Variants in TNIP3 observed in about 807,000 individuals in gnomAD.
TNIP3 encodes TNFAIP3 interacting protein 3.
TNIP3 carries 34 observed loss-of-function variants against 54.1 expected under a neutral mutation model. The observed-to-expected ratio is 0.63, with a 90% CI of 0.48 to 0.84. The LOEUF is 0.84. TNIP3 is among the 40% of genes least tolerant of loss of function. The pLI, the probability that TNIP3 is intolerant of heterozygous loss-of-function variation, is 0.00. For synonymous variants in TNIP3, 134 were observed against 136.8 expected, an observed-to-expected ratio of 0.98 and a Z score of 0.14; for missense variants, 366 against 387.6, an observed-to-expected ratio of 0.94 and a Z score of 0.47.
At chr4:121,203,645 G>A (rs779472523) in intron 2 of TNIP3, among the ~76,000 whole-genome samples, 79 of 151,988 alleles carry the variant, frequency 5.2e-4, no homozygotes, top group Non-Finnish European at 1.0e-3. Context: ...TAGGTCATCT[G>A]ATATAATACA....
chr4:121,147,206 C>G (rs778349266), intron 6 of TNIP3, 32 bp from the exon 7 acceptor site: 1 of 1,590,222 alleles, frequency 6.3e-7, no homozygotes, highest in Non-Finnish European at 8.5e-7. Context: ...TTACTGTAAG[C>G]TTCCTTTTCA....
chr4:121,227,420 T>C (rs1326608092), exon 1 of TNIP3: 3 of 1,532,682 alleles, frequency 2.0e-6, no homozygotes, highest in East Asian at 2.5e-5. Context: ...CAGATCTAGG[T>C]AAGCGTATTA....
At chr4:121,157,466 C>T (rs1330235774) in intron 3 of TNIP3, among the ~76,000 whole-genome samples, 1 of 152,098 alleles carries the variant, frequency 6.6e-6, no homozygotes, top group Non-Finnish European at 1.5e-5. Context: ...AACCACCCAG[C>T]TCTTCCTTCT....
intron 2 of TNIP3, among the ~76,000 whole-genome samples, chr4:121,199,704 T>C (rs1322171569): frequency 6.6e-6 from 1 of 152,238 alleles, no homozygotes; most frequent in Non-Finnish European, 1.5e-5. Context: ...AAGCTGATCA[T>C]GTAAACACAA....
intron 2 of TNIP3, among the ~76,000 whole-genome samples, chr4:121,205,026 G>A (rs72685957): frequency 6.6e-6 from 1 of 151,950 alleles, no homozygotes; most frequent in African/African-American, 2.4e-5. Context: ...TTTCATTATG[G>A]GTGTCTTTTC....
chr4:121,193,461 A>G (rs554981903), intron 2 of TNIP3, among the ~76,000 whole-genome samples: 1 of 152,332 alleles, frequency 6.6e-6, no homozygotes, highest in East Asian at 1.9e-4. Context: ...TAAAATAAAC[A>G]TAAGTGGGGG....
At chr4:121,167,306 C>A (rs866627061), upstream of TNIP3, among the ~76,000 whole-genome samples, 1 of 151,770 alleles carries the variant, frequency 6.6e-6, no homozygotes, top group African/African-American at 2.4e-5. Context: ...AAATGAAGAC[C>A]AGGAAATGAA....
intron 3 of TNIP3, 76 bp from the exon 4 acceptor site, chr4:121,157,319 T>C (rs930325736): frequency 6.2e-6 from 10 of 1,600,370 alleles, no homozygotes; most frequent in Middle Eastern, 1.7e-4. Flanking sequence ...TCCCAGGCTA[T>C]GAACTTTGGC....
chr4:121,187,040 G>T (rs911386323), intron 2 of TNIP3, among the ~76,000 whole-genome samples: 32 of 152,234 alleles, frequency 2.1e-4, no homozygotes, highest in Middle Eastern at 6.8e-3. Context: ...GCTTATCAAA[G>T]TTCATTTTTT....
At chr4:121,172,923 G>A (rs1219071780) in intron 3 of TNIP3, among the ~76,000 whole-genome samples, 1 of 152,168 alleles carries the variant, frequency 6.6e-6, no homozygotes, top group African/African-American at 2.4e-5. Flanking sequence ...TTTGTACTAA[G>A]GAGCTATGTG....
chr4:121,208,810 A>C (rs1365575589), intron 2 of TNIP3, among the ~76,000 whole-genome samples: 1 of 152,218 alleles, frequency 6.6e-6, no homozygotes, highest in African/African-American at 2.4e-5. Context: ...TTGTTATTTT[A>C]ACTATACAGT....
At chr4:121,178,438 T>C (rs920756043) in intron 3 of TNIP3, among the ~76,000 whole-genome samples, 2 of 152,142 alleles carry the variant, frequency 1.3e-5, no homozygotes, top group East Asian at 3.9e-4. Flanking sequence ...TCTCTTCACC[T>C]CAGTCGCAAG....
In TNIP3 at chr4:121,157,143, T is replaced by G. The variant is rs1730158864; in HGVS notation, c.314A>C (p.Glu105Ala). 6.2e-7 allele frequency: 1 copy of G among 1,612,436 alleles called. No homozygotes were observed. Among genetic ancestry groups the G allele is most frequent in the Non-Finnish European group, 8.5e-7 (1 of 1,179,692 alleles). ...GGTCAGGTCGCGCTGCCTGTCGTCC[T>G]CTCTCTGCCTGTCGTCCTTTCTCTG... Reference protein sequence around the residue: ...QRQRKDDRQREDDRQRDLTRD... With the variant: ...QRQRKDDRQRADDRQRDLTRD... The change falls in exon 4 of 11, where the codon GAG becomes GCG. Residue 105 changes from glutamate to alanine, a missense_variant. Physicochemically the swap from Glu to Ala is moderately radical, Grantham distance 107. Coordinates refer to ENST00000057513, the MANE Select transcript of TNIP3 (RefSeq NM_024873.6).
At chr4:121,227,132 C>T (rs770797184) in intron 1 of TNIP3, among the ~76,000 whole-genome samples, 1 of 152,066 alleles carries the variant, frequency 6.6e-6, no homozygotes, top group East Asian at 1.9e-4. Flanking sequence ...AAGGGGCTAA[C>T]TAACAAAAGC....
At chr4:121,151,239 A>G (rs554379657) in intron 5 of TNIP3, among the ~76,000 whole-genome samples, 2 of 152,202 alleles carry the variant, frequency 1.3e-5, no homozygotes, top group East Asian at 1.9e-4. Flanking sequence ...TCAGAGATCT[A>G]AGAATAATTT....
chr4:121,154,773 A>G (rs1729983875), intron 4 of TNIP3, 94 bp from the exon 5 acceptor site: 2 of 1,192,966 alleles, frequency 1.7e-6, no homozygotes, highest in Admixed American at 5.7e-5. Flanking sequence ...TGGCAGGCAG[A>G]TTGAGGGGTC....
intron 6 of TNIP3, among the ~76,000 whole-genome samples, chr4:121,147,586 A>G (rs1400321784): frequency 2.0e-5 from 3 of 152,220 alleles, no homozygotes; most frequent in Non-Finnish European, 4.4e-5. Context: ...TGAGTGGAAC[A>G]CCTCTTGAGA....
chr4:121,223,747 T>G (rs746235839), intron 1 of TNIP3, among the ~76,000 whole-genome samples: 1 of 152,232 alleles, frequency 6.6e-6, no homozygotes, highest in South Asian at 2.1e-4. Context: ...AGTAGGTATA[T>G]GCATAATTGT....
intron 2 of TNIP3, among the ~76,000 whole-genome samples, chr4:121,185,972 C>T (rs1251541876): frequency 6.6e-6 from 1 of 152,222 alleles, no homozygotes; most frequent in African/African-American, 2.4e-5. Context: ...TTACTGTTCC[C>T]TCTTCATTTG....
Sources: gnomAD v4.1 joint callset for allele counts (sites outside exome capture counted in the v4.1 genomes callset) on GRCh38, gnomAD v4.1.1 for gene constraint, MANE v1.5 for transcripts, NCBI Gene and HGNC (gene_info 2026-07-23, HGNC 2026-07-21) for gene names.